The following C2orf81 variants were observed in gnomAD, a reference collection of about 807,000 sequenced individuals.
The protein encoded by C2orf81 is uncharacterized protein C2orf81.
Under a neutral mutation model 7.9 loss-of-function variants are expected in C2orf81, and 5 were observed. The ratio of observed to expected loss-of-function variants is 0.63; its 90% confidence interval spans 0.33 to 1.33. The LOEUF (loss-of-function observed/expected upper bound fraction) is 1.33, where lower values mean the gene tolerates loss of function less well. Among genes scored for constraint, C2orf81 ranks in the 40% most tolerant of loss-of-function variants. The probability of loss-of-function intolerance (pLI) is 0.05; values close to 1 mark genes in which losing one functional copy is unlikely to be tolerated. For synonymous variants in C2orf81, 346 were observed against 367.4 expected (o/e 0.94, Z 0.66); for missense variants, 781 against 830.4 (o/e 0.94, Z 0.73).
chr2:74,420,239 C>A (rs2103843157), intron 1 of C2orf81, among the ~76,000 whole-genome samples: 1 of 151,542 alleles, frequency 6.6e-6, no homozygotes, highest in African/African-American at 2.4e-5. Context: ...ATGCTCTTTT[C>A]TATTTTGTAA....
chr2:74,417,397 C>G (rs1676495700), intron 1 of C2orf81: 1 of 1,309,112 alleles, frequency 7.6e-7, no homozygotes, highest in African/African-American at 1.5e-5. Context: ...CAATAGGTGA[C>G]TGCATCTCCA....
chr2:74,415,971 G>C lies in C2orf81; in HGVS notation c.249+40C>G. The C allele has an allele frequency of 6.5e-7, 1 of 1,547,822 alleles. No individual in the cohort carries two copies. The highest frequency in any genetic ancestry group is 8.7e-7 in the Non-Finnish European group (1 of 1,144,510). ...ATCTCAGGTCGGCAGGGAGGGGCGG[G>C]AGAGGGAGACGAGTCTGAAGGACCC... On this transcript the variant is annotated intron_variant, in intron 2 of 2. Coordinates refer to ENST00000684111, the MANE Select transcript of C2orf81 (RefSeq NM_001316764.3). This position sits in a 1 kb window ranked among gnomAD's most constrained non-coding sequence, Gnocchi z 5.5.
chr2:74,414,682 G>C lies in C2orf81; in HGVS notation c.1495C>G (p.Pro499Ala), dbSNP rs1235195673. The C allele has an allele frequency of 6.5e-7, 1 of 1,546,580 alleles. No homozygotes were observed. Reference protein sequence around the residue: ...VARSRSPKLWPSVRWPSGWEG... With the variant: ...VARSRSPKLWASVRWPSGWEG... Reference sequence around the variant, plus strand: ...CAACCGCTGGGCCACCTGACACTGGGCCACAGCTTGGGGCTGCGGCTGCGG... The same window carrying C: ...CAACCGCTGGGCCACCTGACACTGGCCCACAGCTTGGGGCTGCGGCTGCGG... The change falls in exon 3 of 3, where the codon CCC (proline) becomes GCC (alanine). Residue 499 changes from proline to alanine, a missense_variant. By Grantham distance (27) the Pro-to-Ala change is conservative (BLOSUM62 -1). Transcript: ENST00000684111. This position sits in a 1 kb window ranked among gnomAD's most constrained non-coding sequence, Gnocchi z 5.3.
At chr2:74,419,753 A>C (rs1219005441) in intron 1 of C2orf81, among the ~76,000 whole-genome samples, 1 of 152,172 alleles carries the variant, frequency 6.6e-6, no homozygotes, top group East Asian at 1.9e-4. Context: ...TGCAATGATT[A>C]AAGGTAATCT....
Position 74,419,832 on chromosome 2 carries a change from C to T in C2orf81, c.18+1711G>A, listed in dbSNP as rs554244033. On this transcript the variant is annotated intron_variant, in intron 1 of 2. Transcript: ENST00000684111. ...TGTCACCCAGGCTGGAGTGCAGTGGCAAGATCTCGGCTCACTGCAACCTCT... is the reference window on the plus strand; with the variant it reads ...TGTCACCCAGGCTGGAGTGCAGTGGTAAGATCTCGGCTCACTGCAACCTCT... Among the ~76,000 whole-genome samples, 26 of 152,262 alleles carry T rather than the reference C, an allele frequency of 1.7e-4. No homozygotes were observed. The South Asian group carries it at 5.2e-3, about 30-fold the overall frequency.
intron 1 of C2orf81, among the ~76,000 whole-genome samples, chr2:74,419,187 G>GAA (rs556782931): frequency 7.1e-6 from 1 of 140,106 alleles, no homozygotes; most frequent in African/African-American, 2.6e-5. Context: ...TCTCAAAAAA[G>GAA]AAAAAAAAAA....
intron 1 of C2orf81, chr2:74,416,675 A>G (rs1013163281): frequency 1.3e-5 from 2 of 158,284 alleles, no homozygotes; most frequent in African/African-American, 4.8e-5. Context: ...GCAAGCCCAG[A>G]CAATGTGAAG....
intron 1 of C2orf81, chr2:74,418,245 G>C: frequency 6.3e-7 from 1 of 1,595,670 alleles, no homozygotes; most frequent in South Asian, 1.1e-5. Context: ...CAGCACCCTT[G>C]TTTTTGCTTC....
In C2orf81 at chr2:74,414,725, C is replaced by T. The variant is rs773532678; in HGVS notation, c.1452G>A (p.Pro484=). 42 of 1,547,510 alleles carry T rather than the reference C, an allele frequency of 2.7e-5. No homozygotes were observed. In the East Asian group the frequency reaches 9.3e-4, roughly 34 times the overall value. Residue 484 remains proline, a synonymous_variant, in exon 3 of 3, where the codon CCG becomes CCA. Transcript: ENST00000684111. The surrounding 1 kb of genome is among the most constrained non-coding windows in gnomAD (Gnocchi z 5.3). ...GGCTGCGGGCCACATCAGGGAGCAC[C>T]GGGTGTGTGGTGAGGAAGCGGATCC... ...NSRIRFLTTH[P]VLPDVARSRS... is the part of the protein sequence containing the mutation.
At chr2:74,421,265 T>G (rs1488554999) in intron 1 of C2orf81, among the ~76,000 whole-genome samples, 1 of 152,238 alleles carries the variant, frequency 6.6e-6, no homozygotes, top group East Asian at 1.9e-4. Context: ...ACTACATTCA[T>G]TAGCTGTTTC....
Position 74,414,230 on chromosome 2 carries a change from G to A in C2orf81, c.*99C>T, listed in dbSNP as rs1275747349. On this transcript the variant is annotated 3_prime_UTR_variant, in exon 3 of 3. Coordinates refer to ENST00000684111, the MANE Select transcript of C2orf81 (RefSeq NM_001316764.3). This position sits in a 1 kb window ranked among gnomAD's most constrained non-coding sequence, Gnocchi z 5.3. ...TTCTGGCTAGCAGAGGGAGGGACCA[G>A]TTACTACTGCCAGAGGCTCAGGGAT... The A allele has an allele frequency of 3.2e-6, 4 of 1,244,738 alleles. No homozygotes were observed. The highest frequency in any genetic ancestry group is 4.2e-6 in the Non-Finnish European group (4 of 948,992). The allele number at this position is 1,244,738 out of a possible 1,614,324, so 77.1% of individuals were successfully genotyped here. A position where few individuals can be genotyped will look rare whatever the true frequency, so the allele number is the denominator to read the frequency against.
At chr2:74,418,453 C>T (rs777424926) in intron 1 of C2orf81, 118 of 1,500,010 alleles carry the variant, frequency 7.9e-5, no homozygotes, top group Non-Finnish European at 6.8e-5. Context: ...CTTCCCTTCT[C>T]TAAGGACTAG....
chr2:74,416,828 G>T (rs1049343769), intron 1 of C2orf81, among the ~76,000 whole-genome samples: 2 of 151,036 alleles, frequency 1.3e-5, no homozygotes, highest in Non-Finnish European at 2.9e-5. Context: ...TTCCAGAAAA[G>T]GATTTTTTTT....
intron 1 of C2orf81, chr2:74,417,986 A>T (rs1472073788): frequency 2.2e-6 from 1 of 462,984 alleles, no homozygotes; most frequent in African/African-American, 2.1e-5. Flanking sequence ...TGTGTTGTGT[A>T]GTGTGGTGGT....
rs371324343 is a variant in C2orf81, at chr2:74,415,417, C to T, written c.760G>A (p.Gly254Arg). The change falls in exon 3 of 3, where the codon GGG (glycine) becomes AGG (arginine). Residue 254 changes from glycine to arginine, a missense_variant. Coordinates refer to ENST00000684111, the MANE Select transcript of C2orf81 (RefSeq NM_001316764.3). The surrounding 1 kb of genome is among the most constrained non-coding windows in gnomAD (Gnocchi z 5.5). ...DGQSRGLSSAGSLSASFQLSV... is the reference protein window; with the variant it reads ...DGQSRGLSSARSLSASFQLSV... ...AGTTGGAAGCTCGCGCTCAAGGACC[C>T]GGCCGAGGAGAGGCCTCTAGACTGG... 95 of 1,530,292 alleles carry T rather than the reference C, an allele frequency of 6.2e-5. No individual in the cohort carries two copies. The highest frequency in any genetic ancestry group is 5.9e-4 in the South Asian group (49 of 82,420). The allele number at this position is 1,530,292 out of a possible 1,614,324, so 94.8% of individuals were successfully genotyped here.
Position 74,415,158 on chromosome 2 carries a change from C to T in C2orf81, c.1019G>A (p.Gly340Asp). The change falls in exon 3 of 3, where the codon GGC (glycine) becomes GAC (aspartate). Residue 340 changes from glycine to aspartate, a missense_variant. Coordinates refer to ENST00000684111, the MANE Select transcript of C2orf81 (RefSeq NM_001316764.3). This position sits in a 1 kb window ranked among gnomAD's most constrained non-coding sequence, Gnocchi z 5.5. ...GVLVSYPSVG[G>D]ATRPSASCQQ... ...GCAGGACGCGGAGGGGCGGGTGGCG[C>T]CGCCCACAGAGGGGTAGGACACCAA... The T allele has an allele frequency of 6.5e-7, 1 of 1,535,428 alleles. No homozygotes were observed. The highest frequency in any genetic ancestry group is 8.8e-7 in the Non-Finnish European group (1 of 1,139,222).
Position 74,415,771 on chromosome 2 carries a change from G to C in C2orf81, c.406C>G (p.Gln136Glu). 1.3e-6 allele frequency: 2 copies of C among 1,551,652 alleles called. No individual in the cohort carries two copies. The highest frequency in any genetic ancestry group is 1.7e-6 in the Non-Finnish European group (2 of 1,147,018). The change falls in exon 3 of 3, where the codon CAG (glutamine) becomes GAG (glutamate). Residue 136 changes from glutamine to glutamate, a missense_variant. Physicochemically the swap from Gln to Glu is conservative, Grantham distance 29 (BLOSUM62 2). Coordinates refer to ENST00000684111, the MANE Select transcript of C2orf81 (RefSeq NM_001316764.3). This position sits in a 1 kb window ranked among gnomAD's most constrained non-coding sequence, Gnocchi z 5.5. ...GCGTGCAGCACGGGCACTGAACCCT[G>C]AGCCCAGGAGTCCGTCGTGCATGCC... ...PSACTTDSWA[Q>E]GSVPVLHAST...
intron 1 of C2orf81, chr2:74,418,303 T>A: frequency 6.2e-7 from 1 of 1,607,370 alleles, no homozygotes; most frequent in South Asian, 1.1e-5. Context: ...TTCGCTGAGC[T>A]CCTTCTGACT....
At chr2:74,417,685 G>T (rs116144922) in intron 1 of C2orf81, 4 of 624,440 alleles carry the variant, frequency 6.4e-6, no homozygotes, top group Non-Finnish European at 7.4e-6. Flanking sequence ...CAGAATGGGG[G>T]CTTGGGCCCC....
Sources: gnomAD v4.1 joint callset for allele counts (sites outside exome capture counted in the v4.1 genomes callset) on GRCh38, gnomAD v4.1.1 for gene constraint, Gnocchi (gnomAD v3.1) non-coding constraint, MANE v1.5 for transcripts, NCBI Gene and HGNC (gene_info 2026-07-23, HGNC 2026-07-21) for gene names.